The following MAGI2 variants were observed in gnomAD, a reference collection of about 807,000 sequenced individuals.
MAGI2 encodes the protein membrane-associated guanylate kinase, WW and PDZ domain-containing protein 2.
Under a neutral mutation model 133.3 loss-of-function variants are expected in MAGI2, and 35 were observed. The ratio of observed to expected loss-of-function variants is 0.26; its 90% confidence interval spans 0.20 to 0.35. The LOEUF (loss-of-function observed/expected upper bound fraction) is 0.35, where lower values mean the gene tolerates loss of function less well. Among genes scored for constraint, MAGI2 ranks in the 10% least tolerant of loss-of-function variants. The probability of loss-of-function intolerance (pLI) is 1.00; values close to 1 mark genes in which losing one functional copy is unlikely to be tolerated. For synonymous variants in MAGI2, 729 were observed against 710.6 expected, an observed-to-expected ratio of 1.03 and a Z score of -0.41; for missense variants, 1,636 against 1,863.4, an observed-to-expected ratio of 0.88 and a Z score of 2.25.
intron 1 of MAGI2, among the ~76,000 whole-genome samples, chr7:79,445,737 C>T (rs1275584900): frequency 2.0e-5 from 3 of 152,172 alleles, no homozygotes; most frequent in African/African-American, 7.2e-5. Flanking sequence ...ACTAGTTCAA[C>T]CATTGTGGAA....
intron 1 of MAGI2, among the ~76,000 whole-genome samples, chr7:79,082,241 T>C (rs538323253): frequency 1.3e-5 from 2 of 152,228 alleles, no homozygotes; most frequent in South Asian, 4.1e-4. Flanking sequence ...TGTATATCTA[T>C]CTTTTCTTTA....
At chr7:79,361,729 C>A (rs1585705565) in intron 1 of MAGI2, among the ~76,000 whole-genome samples, 1 of 152,048 alleles carries the variant, frequency 6.6e-6, no homozygotes, top group African/African-American at 2.4e-5. Context: ...AAATTAAAAT[C>A]ATATAGGATA....
intron 1 of MAGI2, among the ~76,000 whole-genome samples, chr7:79,145,263 C>T (rs894179519): frequency 2.6e-5 from 4 of 152,146 alleles, no homozygotes; most frequent in African/African-American, 9.7e-5. Flanking sequence ...TTCCATTTCA[C>T]CTTTCTTCCA....
At chr7:79,359,510 G>A (rs1842238468) in intron 1 of MAGI2, among the ~76,000 whole-genome samples, 1 of 151,854 alleles carries the variant, frequency 6.6e-6, no homozygotes, top group Non-Finnish European at 1.5e-5. Context: ...ATCCCAAATA[G>A]GATAAACTTA....
chr7:79,023,163 G>C (rs993471529), intron 1 of MAGI2, among the ~76,000 whole-genome samples: 1 of 131,334 alleles, frequency 7.6e-6, no homozygotes, highest in Non-Finnish European at 1.7e-5. Flanking sequence ...TTATCCCTAG[G>C]ATGCAAGTTT....
intron 10 of MAGI2, among the ~76,000 whole-genome samples, chr7:78,236,532 TTAAA>T (rs1790562716): frequency 6.6e-6 from 1 of 152,168 alleles, no homozygotes; most frequent in Non-Finnish European, 1.5e-5. Context: ...ATTAGCTACT[TTAAA>T]TAAGGTATTT....
At chr7:78,298,940 C>G (rs1039120265) in intron 9 of MAGI2, among the ~76,000 whole-genome samples, 1 of 151,580 alleles carries the variant, frequency 6.6e-6, no homozygotes, top group Non-Finnish European at 1.5e-5. Flanking sequence ...CTCAGCCTCC[C>G]GAGTAGCTGG....
chr7:78,786,383 C>T (rs1051162556), intron 2 of MAGI2, among the ~76,000 whole-genome samples: 1 of 152,190 alleles, frequency 6.6e-6, no homozygotes, highest in Non-Finnish European at 1.5e-5. Flanking sequence ...AACCTAAGTC[C>T]AATCCTATGG....
At position 79,317,491 on chromosome 7, in the gene MAGI2, C is replaced by A. The variant is rs1055086484; in HGVS notation, c.301+135529G>T. Among the ~76,000 whole-genome samples the A allele has an allele frequency of 3.3e-5, 5 of 152,134 alleles. No homozygotes were observed. The South Asian group carries it at 8.3e-4, about 25-fold the overall frequency. Reference sequence around the variant, plus strand: ...TTCGTAAAAATCTTAGTAACGTGTTCCAAAATAAAAACATACAGGTGAAGT... The same window carrying A: ...TTCGTAAAAATCTTAGTAACGTGTTACAAAATAAAAACATACAGGTGAAGT... On this transcript the variant is annotated intron_variant, in intron 1 of 21. Transcript: ENST00000354212.
At chr7:79,018,548 C>T (rs1375888502) in intron 1 of MAGI2, among the ~76,000 whole-genome samples, 3 of 152,128 alleles carry the variant, frequency 2.0e-5, no homozygotes, top group African/African-American at 7.2e-5. Flanking sequence ...CACATATCAA[C>T]ACTAACCTTG....
intron 2 of MAGI2, among the ~76,000 whole-genome samples, chr7:78,833,343 C>T (rs967477423): frequency 4.6e-5 from 7 of 152,162 alleles, no homozygotes; most frequent in Non-Finnish European, 1.0e-4. Context: ...TAAACTATCC[C>T]TGCCCTCACT....
intron 1 of MAGI2, among the ~76,000 whole-genome samples, chr7:79,362,395 C>A (rs1188288356): frequency 6.6e-6 from 1 of 152,052 alleles, no homozygotes; most frequent in Non-Finnish European, 1.5e-5. Context: ...AAAAAGAAAT[C>A]TTCAGGCTCA....
chr7:79,037,669 C>T (rs1287152435), intron 1 of MAGI2, among the ~76,000 whole-genome samples: 1 of 152,100 alleles, frequency 6.6e-6, no homozygotes, highest in Non-Finnish European at 1.5e-5. Flanking sequence ...AGTCAGAGCT[C>T]AAATTTTCCA....
chr7:78,610,717 G>T (rs1389614406), intron 3 of MAGI2, among the ~76,000 whole-genome samples: 2 of 152,116 alleles, frequency 1.3e-5, no homozygotes, highest in Non-Finnish European at 2.9e-5. Context: ...CCTCTTTGGG[G>T]GATAGAATTT....
At chr7:79,319,475 C>G (rs891170353) in intron 1 of MAGI2, among the ~76,000 whole-genome samples, 13 of 152,058 alleles carry the variant, frequency 8.5e-5, no homozygotes, top group African/African-American at 3.1e-4. Context: ...CTAAGTCTGG[C>G]CAATCACATT....
At chr7:79,238,634 G>A (rs186188265) in intron 1 of MAGI2, among the ~76,000 whole-genome samples, 54 of 152,252 alleles carry the variant, frequency 3.5e-4, no homozygotes, top group African/African-American at 1.1e-3. Flanking sequence ...CAGTACATAT[G>A]AAGTATCTCT....
chr7:78,251,415 TG>T (rs1370770441), intron 10 of MAGI2: 2 of 152,104 alleles, frequency 1.3e-5, no homozygotes, highest in Non-Finnish European at 2.9e-5. Context: ...GCATACAAAT[TG>T]GAAAGGAAGA....
intron 3 of MAGI2, among the ~76,000 whole-genome samples, chr7:78,548,745 G>A (rs1352782448): frequency 2.6e-5 from 4 of 152,128 alleles, no homozygotes; most frequent in Non-Finnish European, 4.4e-5. Flanking sequence ...ATGTCTTAAT[G>A]CTTAAAATGT....
At chr7:78,086,107 A>G (rs1042408480) in intron 20 of MAGI2, among the ~76,000 whole-genome samples, 4 of 152,118 alleles carry the variant, frequency 2.6e-5, no homozygotes, top group Admixed American at 2.0e-4. Flanking sequence ...ATGATCTGGT[A>G]TCTTCTTCAC....
Sources: allele counts gnomAD v4.1 joint callset (sites outside exome capture counted in the v4.1 genomes callset), GRCh38; gene constraint gnomAD v4.1.1; transcripts MANE v1.5; gene names NCBI Gene and HGNC (gene_info 2026-07-23, HGNC 2026-07-21).